Variants in CACNB4 observed in about 807,000 individuals in gnomAD.
CACNB4 encodes voltage-dependent L-type calcium channel subunit beta-4.
Under a neutral mutation model 71.2 loss-of-function variants are expected in CACNB4, and 32 were observed. That is an observed-to-expected ratio of 0.45 (90% CI 0.34 to 0.60). The LOEUF is 0.60. Ranked by LOEUF, CACNB4 falls within the 20% of genes least tolerant of loss-of-function variation. The pLI is 0.01. For synonymous variants in CACNB4, 231 were observed against 236.9 expected (o/e 0.97, Z 0.23); for missense variants, 464 against 647.9 (o/e 0.72, Z 3.08).
chr2:152,024,886 T>G (rs528847709), intron 2 of CACNB4, among the ~76,000 whole-genome samples: 1 of 152,024 alleles, frequency 6.6e-6, no homozygotes, highest in South Asian at 2.1e-4. Flanking sequence ...CGACACTCCA[T>G]CTCTACTAAA....
intron 2 of CACNB4, among the ~76,000 whole-genome samples, chr2:152,092,994 T>C (rs1688061024): frequency 6.6e-6 from 1 of 152,194 alleles, no homozygotes; most frequent in Non-Finnish European, 1.5e-5. Flanking sequence ...CTCTTTCTCA[T>C]TCTCAAAATA....
chr2:152,027,376 C>T (rs1430015791), intron 2 of CACNB4, among the ~76,000 whole-genome samples: 9 of 152,240 alleles, frequency 5.9e-5, no homozygotes, highest in Admixed American at 5.2e-4. Flanking sequence ...AATCAAAGAG[C>T]TTACAATCTA....
At chr2:151,846,275 C>T (rs184883384) in intron 12 of CACNB4, among the ~76,000 whole-genome samples, 232 of 152,246 alleles carry the variant, frequency 1.5e-3, no homozygotes, top group Middle Eastern at 6.8e-3. Flanking sequence ...AGATACAGTG[C>T]TCTCCGGGTC....
chr2:152,031,242 C>A (rs1684265944), intron 2 of CACNB4, among the ~76,000 whole-genome samples: 1 of 152,172 alleles, frequency 6.6e-6, no homozygotes, highest in Non-Finnish European at 1.5e-5. Flanking sequence ...TTGGTCACCC[C>A]ACAAAGGACA....
At chr2:151,993,747 T>A (rs929245429) in intron 2 of CACNB4, among the ~76,000 whole-genome samples, 2 of 151,618 alleles carry the variant, frequency 1.3e-5, no homozygotes, top group African/African-American at 4.8e-5. Flanking sequence ...GTATTTTCAG[T>A]AGAGACGGGG....
In CACNB4 at chr2:151,954,897, G is replaced by A. The variant is rs1176344745; in HGVS notation, c.148-71527C>T. Among the ~76,000 whole-genome samples the A allele has an allele frequency of 9.6e-5, 11 of 114,830 alleles. No homozygotes were observed. The South Asian group carries it at 1.7e-3, about 17-fold the overall frequency. The allele number at this position is 114,830 out of a possible 152,430, so 75.3% of individuals were successfully genotyped here. On this transcript the variant is annotated intron_variant, in intron 2 of 13. Coordinates refer to ENST00000539935, the MANE Select transcript of CACNB4 (RefSeq NM_000726.5). ...GAGATGGAGTCTCGCTCTGTTGTCT[G>A]GGCTGGAGTGCAGTGGGGCGATCTC...
intron 2 of CACNB4, among the ~76,000 whole-genome samples, chr2:151,981,920 C>T (rs145131172): frequency 4.9e-4 from 74 of 152,130 alleles, no homozygotes; most frequent in African/African-American, 9.2e-4. Context: ...CTTAGAGTAG[C>T]GACACTCATT....
chr2:151,876,293 G>GAA, intron 5 of CACNB4, 133 bp downstream of exon 5: 1 of 650,134 alleles, frequency 1.5e-6, no homozygotes, highest in South Asian at 2.8e-5. Flanking sequence ...AGAACTATCT[G>GAA]AAACTCTTCT....
At chr2:152,088,800 G>A (rs1382345144) in intron 2 of CACNB4, among the ~76,000 whole-genome samples, 3 of 152,154 alleles carry the variant, frequency 2.0e-5, no homozygotes, top group Admixed American at 1.3e-4. Context: ...GAAAAGACAC[G>A]TTAAAGAAAA....
intron 2 of CACNB4, among the ~76,000 whole-genome samples, chr2:152,021,978 A>G (rs983780130): frequency 3.3e-5 from 5 of 152,212 alleles, no homozygotes; most frequent in Admixed American, 1.3e-4. Context: ...ATAAGCGTCT[A>G]ATCTTTAAAC....
chr2:151,889,588 A>G (rs1416940196), intron 2 of CACNB4, among the ~76,000 whole-genome samples: 2 of 152,120 alleles, frequency 1.3e-5, no homozygotes, highest in Non-Finnish European at 2.9e-5. Flanking sequence ...TGACTTGACA[A>G]TGCATTTTTC....
intron 2 of CACNB4, among the ~76,000 whole-genome samples, chr2:152,004,851 T>C (rs548106711): frequency 6.6e-6 from 1 of 152,218 alleles, no homozygotes; most frequent in African/African-American, 2.4e-5. Context: ...TTTCTGTTTC[T>C]TCAAGGCAGA....
intron 2 of CACNB4, among the ~76,000 whole-genome samples, chr2:151,900,409 A>G (rs1231841663): frequency 6.6e-6 from 1 of 152,244 alleles, no homozygotes; most frequent in Non-Finnish European, 1.5e-5. Context: ...AAGCATCATC[A>G]TGATCTGCTG....
At chr2:151,925,903 A>C (rs1397354594) in intron 2 of CACNB4, among the ~76,000 whole-genome samples, 1 of 152,346 alleles carries the variant, frequency 6.6e-6, no homozygotes, top group African/African-American at 2.4e-5. Flanking sequence ...AAGCAACTAG[A>C]AGAATCGACA....
At chr2:151,998,701 A>G (rs1338866388) in intron 2 of CACNB4, among the ~76,000 whole-genome samples, 6 of 152,224 alleles carry the variant, frequency 3.9e-5, no homozygotes, top group Non-Finnish European at 7.3e-5. Context: ...ACAGCCAATA[A>G]TAGGCTGGTC....
intron 13 of CACNB4, among the ~76,000 whole-genome samples, chr2:151,841,366 A>G (rs1052623238): frequency 1.3e-5 from 2 of 152,010 alleles, no homozygotes; most frequent in Admixed American, 1.3e-4. Flanking sequence ...TGAAGCCAGG[A>G]GTTTGAGATC....
At chr2:152,086,907 G>A (rs1687690738) in intron 2 of CACNB4, among the ~76,000 whole-genome samples, 1 of 151,952 alleles carries the variant, frequency 6.6e-6, no homozygotes, top group Non-Finnish European at 1.5e-5. Context: ...GAGGTGGGCG[G>A]ATCACCTGAG....
At chr2:151,994,036 G>A (rs1681888281) in intron 2 of CACNB4, among the ~76,000 whole-genome samples, 2 of 151,922 alleles carry the variant, frequency 1.3e-5, no homozygotes, top group Middle Eastern at 3.4e-3. Context: ...GCTGAGTATG[G>A]TGGTGTGTGC....
chr2:152,034,778 G>A (rs1684469271), intron 2 of CACNB4, among the ~76,000 whole-genome samples: 1 of 151,896 alleles, frequency 6.6e-6, no homozygotes, highest in Non-Finnish European at 1.5e-5. Context: ...CTGGGGTAAG[G>A]AAAAAAAATT....
Sources: gnomAD v4.1 joint callset for allele counts (sites outside exome capture counted in the v4.1 genomes callset) on GRCh38, gnomAD v4.1.1 for gene constraint, MANE v1.5 for transcripts, NCBI Gene and HGNC (gene_info 2026-07-23, HGNC 2026-07-21) for gene names.